TEC: variants seen among roughly 807,000 people sequenced by gnomAD.
TEC encodes tyrosine-protein kinase Tec.
Under a neutral mutation model 93.0 loss-of-function variants are expected in TEC, and 72 were observed. That is an observed-to-expected ratio of 0.77 (90% CI 0.64 to 0.94). TEC has a LOEUF of 0.94. TEC is among the 40% of genes least tolerant of loss of function. TEC has a pLI of 0.00. For synonymous variants in TEC, 249 were observed against 247.7 expected (o/e 1.01, Z -0.05); for missense variants, 630 against 757.9 (o/e 0.83, Z 1.98).
chr4:48,160,184 C>G (rs1327134097), intron 8 of TEC, among the ~76,000 whole-genome samples: 1 of 152,174 alleles, frequency 6.6e-6, no homozygotes, highest in South Asian at 2.1e-4. Context: ...GGGCATACAG[C>G]TGGGAAACAG....
chr4:48,216,435 C>A (rs1217028463), intron 2 of TEC, among the ~76,000 whole-genome samples: 1 of 152,084 alleles, frequency 6.6e-6, no homozygotes, highest in Non-Finnish European at 1.5e-5. Flanking sequence ...AATTCCTCAG[C>A]CCAGTAGTTC....
At chr4:48,224,208 G>A (rs1723361727) in intron 2 of TEC, among the ~76,000 whole-genome samples, 1 of 152,158 alleles carries the variant, frequency 6.6e-6, no homozygotes, top group Non-Finnish European at 1.5e-5. Context: ...CAGCTTCCAT[G>A]CTGGGGCAGT....
intron 2 of TEC, among the ~76,000 whole-genome samples, chr4:48,206,124 T>C (rs1473048709): frequency 6.6e-6 from 1 of 150,442 alleles, no homozygotes; most frequent in East Asian, 1.9e-4. Flanking sequence ...TCCAGAATAG[T>C]CAAATCCATA....
At chr4:48,221,056 G>C (rs1185423110) in intron 2 of TEC, among the ~76,000 whole-genome samples, 1 of 152,210 alleles carries the variant, frequency 6.6e-6, no homozygotes, top group Non-Finnish European at 1.5e-5. Context: ...AGAACCCAGG[G>C]AAAGTGTACT....
intron 2 of TEC, among the ~76,000 whole-genome samples, chr4:48,225,928 A>AG: frequency 6.6e-6 from 1 of 152,212 alleles, no homozygotes; most frequent in Middle Eastern, 3.4e-3. Context: ...AGGCAGCAGC[A>AG]GCCAGAAAGG....
intron 1 of TEC, among the ~76,000 whole-genome samples, chr4:48,258,033 A>T (rs1724390554): frequency 6.6e-6 from 1 of 152,202 alleles, no homozygotes; most frequent in African/African-American, 2.4e-5. Context: ...CATATAGTGA[A>T]TGTTTTCAGT....
intron 11 of TEC, among the ~76,000 whole-genome samples, chr4:48,147,544 C>T (rs905452458): frequency 1.2e-4 from 18 of 152,060 alleles, no homozygotes; most frequent in African/African-American, 3.9e-4. Context: ...TCCTTAACAT[C>T]GTTATATCTA....
intron 1 of TEC, among the ~76,000 whole-genome samples, chr4:48,246,053 G>A (rs1181036285): frequency 6.6e-6 from 1 of 152,158 alleles, no homozygotes; most frequent in East Asian, 1.9e-4. Context: ...AGAGTGCAGT[G>A]AGCCGAGATC....
intron 1 of TEC, among the ~76,000 whole-genome samples, chr4:48,265,516 T>TATATA (rs577783171): frequency 3.0e-4 from 13 of 43,656 alleles, no homozygotes; most frequent in African/African-American, 5.7e-4. Flanking sequence ...TATATATATA[T>TATATA]TTTTTTTTTT....
intron 2 of TEC, among the ~76,000 whole-genome samples, chr4:48,226,238 A>G (rs1458358681): frequency 6.6e-6 from 1 of 152,240 alleles, no homozygotes; most frequent in East Asian, 1.9e-4. Context: ...TTTTTTCATT[A>G]GTAAAAAAAT....
At position 48,140,010 on chromosome 4, in the gene TEC, C is replaced by T. The variant is rs145597745; in HGVS notation, c.1536-988G>A. 6.2e-4 allele frequency among the ~76,000 whole-genome samples: 94 copies of T among 152,282 alleles called. 2 individuals are homozygous for T. The highest frequency in any genetic ancestry group is 6.0e-3 in the Admixed American group (91 of 15,294). On this transcript the variant is annotated intron_variant, in intron 15 of 17. Coordinates refer to ENST00000381501, the MANE Select transcript of TEC (RefSeq NM_003215.3). ...ACAAAAGTGCAGATTTTCTGAAAGC[C>T]TAACATATGAAGATTGAACAGATGA...
rs1056216756 is a variant in TEC at position 48,136,104 on chromosome 4, C to G, written c.*1312G>C. The G allele has an allele frequency of 2.0e-5, 3 of 152,226 alleles. No homozygotes were observed. Among genetic ancestry groups the G allele is most frequent in the African/African-American group, 7.2e-5 (3 of 41,464 alleles). The allele number at this position is 152,226 out of a possible 1,614,324, so 9.4% of individuals were successfully genotyped here. On this transcript the variant is annotated 3_prime_UTR_variant, in exon 18 of 18. Coordinates refer to ENST00000381501, the MANE Select transcript of TEC (RefSeq NM_003215.3). ...ATAAACGGTCTCTGGATGACTGATA[C>G]AGTTTCTTTTCGCTGGCGCTCACGT...
chr4:48,188,829 G>A (rs1341323382), intron 2 of TEC, among the ~76,000 whole-genome samples: 1 of 152,140 alleles, frequency 6.6e-6, no homozygotes, highest in Non-Finnish European at 1.5e-5. Flanking sequence ...TTATGATGAT[G>A]CTTGATGGAA....
intron 2 of TEC, among the ~76,000 whole-genome samples, chr4:48,220,292 G>C (rs1723218684): frequency 6.6e-6 from 1 of 151,844 alleles, no homozygotes. Flanking sequence ...TGCCCTCAAA[G>C]AGTTTGATAT....
At chr4:48,214,449 A>G (rs1007668937) in intron 2 of TEC, among the ~76,000 whole-genome samples, 1 of 152,244 alleles carries the variant, frequency 6.6e-6, no homozygotes, top group African/African-American at 2.4e-5. Context: ...GTTTGACCTA[A>G]CGATTTTTCA....
At chr4:48,229,671 G>A (rs1423533265) in intron 1 of TEC, among the ~76,000 whole-genome samples, 1 of 152,164 alleles carries the variant, frequency 6.6e-6, no homozygotes, top group East Asian at 1.9e-4. Context: ...AGCTACTCAG[G>A]AGGCTGAGGC....
At chr4:48,184,123 T>G (rs1042556239) in intron 2 of TEC, among the ~76,000 whole-genome samples, 1 of 152,216 alleles carries the variant, frequency 6.6e-6, no homozygotes, top group Non-Finnish European at 1.5e-5. Context: ...CCTCTTAATG[T>G]GGATAATCTC....
At chr4:48,220,497 C>G (rs73138485) in intron 2 of TEC, among the ~76,000 whole-genome samples, 2,046 of 152,028 alleles carry the variant, frequency 0.013, 53 homozygotes, top group African/African-American at 0.047. Flanking sequence ...AGTATGGCAT[C>G]TCTCTTGCTT....
At chr4:48,212,110 A>AAAAATATATATATATATAT in intron 2 of TEC, among the ~76,000 whole-genome samples, 6 of 122,266 alleles carry the variant, frequency 4.9e-5, no homozygotes, top group African/African-American at 1.8e-4. Flanking sequence ...AAAAAAAAAA[A>AAAAATATATATATATATAT]ATATATATAT....
Sources: allele counts gnomAD v4.1 joint callset (sites outside exome capture counted in the v4.1 genomes callset), GRCh38; gene constraint gnomAD v4.1.1; transcripts MANE v1.5; gene names NCBI Gene and HGNC (gene_info 2026-07-23, HGNC 2026-07-21).